SEPTIN8: variants seen among roughly 807,000 people sequenced by gnomAD.
The protein encoded by SEPTIN8 is septin-8.
In SEPTIN8, 22 loss-of-function variants were observed where a neutral mutation model predicts 53.1. That is an observed-to-expected ratio of 0.41 (90% confidence interval 0.30 to 0.59). The LOEUF is 0.59. SEPTIN8 is among the 20% of genes least tolerant of loss of function. The pLI, the probability that SEPTIN8 is intolerant of heterozygous loss-of-function variation, is 0.24. For synonymous variants in SEPTIN8, 228 were observed against 248.4 expected (o/e 0.92, Z 0.77); for missense variants, 536 against 638.7 (o/e 0.84, Z 1.73).
rs2149969040 is a variant in SEPTIN8 at position 132,761,392 on chromosome 5, C to T, written c.962+66G>A. Reference sequence around the variant, plus strand: ...AGAGGATGTGGGGTCCCTCAGGGAACAGATGCCAGGGTGGTGTGTCTGGCC... The same window carrying T: ...AGAGGATGTGGGGTCCCTCAGGGAATAGATGCCAGGGTGGTGTGTCTGGCC... On this transcript the variant is annotated intron_variant, in intron 7 of 9. Coordinates refer to ENST00000378719, the MANE Select transcript of SEPTIN8 (RefSeq NM_001098811.2). The surrounding 1 kb of genome is among the most constrained non-coding windows in gnomAD (Gnocchi z 5.8). 1 of 1,586,224 alleles carries T rather than the reference C, an allele frequency of 6.3e-7. No individual in the cohort carries two copies. The highest frequency in any genetic ancestry group is 8.6e-7 in the Non-Finnish European group (1 of 1,168,478).
intron 1 of SEPTIN8, chr5:132,775,700 C>G (rs1030128671): frequency 6.6e-6 from 1 of 152,238 alleles, no homozygotes; most frequent in African/African-American, 2.4e-5. Context: ...AGAAAATGCA[C>G]ACAGACACAC....
In SEPTIN8 at chr5:132,760,784, G is replaced by T. The variant is rs757138521; in HGVS notation, c.1286+18C>A. 6.2e-7 allele frequency: 1 copy of T among 1,610,306 alleles called. No homozygotes were observed. Among genetic ancestry groups the T allele is most frequent in the South Asian group, 1.1e-5 (1 of 90,856 alleles). Reference sequence around the variant, plus strand: ...ACAGGAGCAAGAGGAGCCAGCGCAGGCGCAGCCTGCCACCTACTTCTTCTT... The same window carrying T: ...ACAGGAGCAAGAGGAGCCAGCGCAGTCGCAGCCTGCCACCTACTTCTTCTT... On this transcript the variant is annotated intron_variant, in intron 9 of 9. Coordinates refer to ENST00000378719, the MANE Select transcript of SEPTIN8 (RefSeq NM_001098811.2). The surrounding 1 kb of genome is among the most constrained non-coding windows in gnomAD (Gnocchi z 5.2).
chr5:132,771,825 C>T (rs1757348211), intron 1 of SEPTIN8, among the ~76,000 whole-genome samples: 1 of 145,832 alleles, frequency 6.9e-6, no homozygotes, highest in African/African-American at 2.5e-5. Flanking sequence ...GATTCCACAG[C>T]AAGCCTCTAA....
chr5:132,765,660 GAC>G (rs1756509224), intron 1 of SEPTIN8, 131 bp from the exon 2 acceptor site: 5 of 1,146,884 alleles, frequency 4.4e-6, no homozygotes, highest in Non-Finnish European at 6.1e-6. Context: ...ACAAATCTCA[GAC>G]ACACCCTGAG....
Position 132,761,436 on chromosome 5 carries a change from T to C in SEPTIN8, c.962+22A>G, listed in dbSNP as rs1425444518. ...TCTGGCCACAGCTGTGAAGACAGGCTCACTCTGGCTCAGGCTGTCACCTGA... is the reference window on the plus strand; with the variant it reads ...TCTGGCCACAGCTGTGAAGACAGGCCCACTCTGGCTCAGGCTGTCACCTGA... On this transcript the variant is annotated intron_variant, in intron 7 of 9. Transcript: ENST00000378719. The surrounding 1 kb of genome is among the most constrained non-coding windows in gnomAD (Gnocchi z 5.8). 1 of 1,601,358 alleles carries C rather than the reference T, an allele frequency of 6.2e-7. No homozygotes were observed. The highest frequency in any genetic ancestry group is 8.5e-7 in the Non-Finnish European group (1 of 1,174,776).
intron 1 of SEPTIN8, among the ~76,000 whole-genome samples, chr5:132,765,908 G>T (rs1756539960): frequency 6.6e-6 from 1 of 152,168 alleles, no homozygotes; most frequent in South Asian, 2.1e-4. Flanking sequence ...GACCAGATTG[G>T]AAAGTGTGTC....
Position 132,764,308 on chromosome 5 carries a change from T to C in SEPTIN8, c.263A>G (p.Tyr88Cys), listed in dbSNP as rs1756346673. 6.2e-7 allele frequency: 1 copy of C among 1,614,160 alleles called. No homozygotes were observed. Among genetic ancestry groups the C allele is most frequent in the South Asian group, 1.1e-5 (1 of 91,076 alleles). Reference protein sequence around the residue: ...EACVRLRPQTYDLQESNVQLK... With the variant: ...EACVRLRPQTCDLQESNVQLK... ...CTGCACGTTGCTCTCCTGGAGGTCA[T>C]AGGTCTGGGGCCGCAGGCGCACGCA... Residue 88 changes from tyrosine to cysteine, a missense_variant, in exon 3 of 10, where the codon TAT becomes TGT. Physicochemically the swap from Tyr to Cys is radical, Grantham distance 194. Coordinates refer to ENST00000378719, the MANE Select transcript of SEPTIN8 (RefSeq NM_001098811.2).
Position 132,760,679 on chromosome 5 carries a change from A to T in SEPTIN8, c.1286+123T>A. The T allele has an allele frequency of 1.1e-6, 1 of 949,014 alleles. No individual in the cohort carries two copies. 58.8% of individuals were successfully genotyped at this position (949,014 alleles called of 1,614,324 possible). A position where few individuals can be genotyped will look rare whatever the true frequency, so the allele number is the denominator to read the frequency against. On this transcript the variant is annotated intron_variant, in intron 9 of 9. Transcript: ENST00000378719. This position sits in a 1 kb window ranked among gnomAD's most constrained non-coding sequence, Gnocchi z 5.2. ...GGGAGAGCCACTGAAGATGAGGGAA[A>T]ACCAAACAGGAAAGGGGTAAGAGAG...
Position 132,757,365 on chromosome 5 carries a change from CCCT to C in SEPTIN8, c.1286+3434_1286+3436del. 3 of 985,428 alleles carry C rather than the reference CCCT, an allele frequency of 3.0e-6. No individual in the cohort carries two copies. In the South Asian group the frequency reaches 1.4e-4, roughly 46 times the overall value. 61.0% of individuals were successfully genotyped at this position (985,428 alleles called of 1,614,324 possible). A position where few individuals can be genotyped will look rare whatever the true frequency, so the allele number is the denominator to read the frequency against. ...GCCTCGGTGGACACACACAGCTCAC[CCCT>C]CCACTTCTCCCTGAGCAGAACATCA... On this transcript the variant is annotated intron_variant, in intron 9 of 9. Coordinates refer to ENST00000378719, the MANE Select transcript of SEPTIN8 (RefSeq NM_001098811.2).
chr5:132,754,642 A>G, intron 9 of SEPTIN8: 1 of 623,032 alleles, frequency 1.6e-6, no homozygotes, highest in Non-Finnish European at 2.9e-6. Context: ...GTATTGCCGA[A>G]GTCCCACTCG....
Position 132,761,655 on chromosome 5 carries a change from GGCAGGCAT to G in SEPTIN8, c.794-37_794-30del, listed in dbSNP as rs775974638. The G allele has an allele frequency of 2.5e-6, 4 of 1,611,060 alleles. No individual in the cohort carries two copies. The highest frequency in any genetic ancestry group is 3.4e-6 in the Non-Finnish European group (4 of 1,178,498). On this transcript the variant is annotated intron_variant, in intron 6 of 9. Transcript: ENST00000378719. This position sits in a 1 kb window ranked among gnomAD's most constrained non-coding sequence, Gnocchi z 5.8. ...AAAGCAGAGGGCCGGTGGGGTATCA[GGCAGGCAT>G]GCAGGCGGGCACACTCCAGAGTCAG... is the stretch of plus-strand genomic sequence containing the variant.
At chr5:132,770,619 C>T (rs1279414515) in intron 1 of SEPTIN8, among the ~76,000 whole-genome samples, 1 of 152,196 alleles carries the variant, frequency 6.6e-6, no homozygotes, top group African/African-American at 2.4e-5. Context: ...TAAGCTGGCT[C>T]TGGTGGGAGG....
intron 9 of SEPTIN8, chr5:132,757,015 T>C (rs1755402917): frequency 1.1e-5 from 11 of 985,426 alleles, no homozygotes; most frequent in South Asian, 4.7e-5. Context: ...AGATGAGCCA[T>C]TGGCAGCCCA....
intron 9 of SEPTIN8, chr5:132,753,066 AAG>A (rs1755003911): frequency 2.0e-6 from 2 of 989,040 alleles, no homozygotes; most frequent in African/African-American, 3.2e-5. Flanking sequence ...ATCCTGTAAA[AAG>A]GGAAGGTGGC....
At position 132,761,753 on chromosome 5, in the gene SEPTIN8, A is replaced by G. The variant is rs930254958; in HGVS notation, c.793+47T>C. The G allele has an allele frequency of 5.0e-6, 8 of 1,585,864 alleles. 1 individual carries two copies. Among genetic ancestry groups the G allele is most frequent in the Admixed American group, 1.7e-5 (1 of 57,640 alleles). ...GGTACTACAGGCAGCAGGGCAGGCC[A>G]GGGAACTCAGTTCTACCCCCAGGAT... On this transcript the variant is annotated intron_variant, in intron 6 of 9. Coordinates refer to ENST00000378719, the MANE Select transcript of SEPTIN8 (RefSeq NM_001098811.2). This position sits in a 1 kb window ranked among gnomAD's most constrained non-coding sequence, Gnocchi z 5.8.
At chr5:132,756,794 G>A (rs1433845761) in intron 9 of SEPTIN8, 21 of 985,354 alleles carry the variant, frequency 2.1e-5, no homozygotes, top group East Asian at 1.1e-4. Flanking sequence ...CCTGGGGTGC[G>A]ACCCGCAGGC....
At position 132,767,982 on chromosome 5, in the gene SEPTIN8, C is replaced by CACAA. The variant is rs1554115006; in HGVS notation, c.31-2454_31-2453insTTGT. On this transcript the variant is annotated intron_variant, in intron 1 of 9. Transcript: ENST00000378719. ...ACACACACACACACACACACACACACACACGCAGCCGCAGAGCACTTACTG... is the reference window on the plus strand; with the variant it reads ...ACACACACACACACACACACACACACACAAACACGCAGCCGCAGAGCACTTACTG... Among the ~76,000 whole-genome samples the CACAA allele has an allele frequency of 4.9e-3, 746 of 151,010 alleles. 1 individual carries two copies. Among genetic ancestry groups the CACAA allele is most frequent in the African/African-American group, 0.016 (672 of 40,780 alleles).
chr5:132,755,975 C>T (rs952164645), intron 9 of SEPTIN8: 31 of 984,872 alleles, frequency 3.1e-5, no homozygotes, highest in Non-Finnish European at 3.6e-5. Context: ...ATCAGAAAAG[C>T]TACTGCCCAA....
Position 132,762,499 on chromosome 5 carries a change from A to T in SEPTIN8, c.681T>A (p.Ile227=). The T allele has an allele frequency of 2.5e-6, 4 of 1,614,256 alleles. No homozygotes were observed. Among genetic ancestry groups the T allele is most frequent in the Non-Finnish European group, 3.4e-6 (4 of 1,180,038 alleles). The stretch of plus-strand genomic sequence containing the variant: ...CAACGCTCACATTCATGACTGCGTT[A>T]ATCTCTGCAACAGCCTCATCATCCG... The part of the protein sequence containing the change: ...FPTDDEAVAE[I]NAVMNAHLPF... The change falls in exon 5 of 10, where the codon ATT becomes ATA. Residue 227 remains isoleucine, a synonymous_variant. Transcript: ENST00000378719.
Sources: allele counts gnomAD v4.1 joint callset (sites outside exome capture counted in the v4.1 genomes callset), GRCh38; gene constraint gnomAD v4.1.1; non-coding constraint Gnocchi (gnomAD v3.1); transcripts MANE v1.5; gene names NCBI Gene and HGNC (gene_info 2026-07-23, HGNC 2026-07-21).